Variants in RFX7 observed in about 807,000 individuals in gnomAD.
RFX7 encodes regulatory factor X7.
In RFX7, 26 loss-of-function variants were observed where a neutral mutation model predicts 111.8. The observed-to-expected ratio is 0.23, with a 90% CI of 0.17 to 0.32. The LOEUF is 0.32. RFX7 is among the 10% of genes least tolerant of loss of function. The pLI is 1.00. For synonymous variants in RFX7, 624 were observed against 624.4 expected, an observed-to-expected ratio of 1.00 and a Z score of 0.01; for missense variants, 1,573 against 1,772.9, an observed-to-expected ratio of 0.89 and a Z score of 2.02.
intron 2 of RFX7, among the ~76,000 whole-genome samples, chr15:56,209,472 T>C (rs1341515722): frequency 6.6e-6 from 1 of 152,084 alleles, no homozygotes; most frequent in Non-Finnish European, 1.5e-5. Context: ...AATGCAAATC[T>C]GTGTAAATAA....
intron 2 of RFX7, among the ~76,000 whole-genome samples, chr15:56,184,969 G>A (rs974354330): frequency 5.9e-5 from 9 of 152,096 alleles, no homozygotes; most frequent in African/African-American, 2.2e-4. Context: ...TTTCTTGATC[G>A]AGCTTTTTTG....
intron 5 of RFX7, among the ~76,000 whole-genome samples, chr15:56,120,809 T>C (rs2042068991): frequency 6.6e-6 from 1 of 152,226 alleles, no homozygotes; most frequent in Non-Finnish European, 1.5e-5. Flanking sequence ...GATAATATCT[T>C]ACAATGTATT....
chr15:56,120,804 T>C (rs1257088559), intron 5 of RFX7, among the ~76,000 whole-genome samples: 1 of 152,228 alleles, frequency 6.6e-6, no homozygotes, highest in African/African-American at 2.4e-5. Flanking sequence ...TTGCAGATAA[T>C]ATCTTACAAT....
intron 5 of RFX7, among the ~76,000 whole-genome samples, chr15:56,107,855 T>A (rs2041852853): frequency 6.6e-6 from 1 of 151,882 alleles, no homozygotes; most frequent in Non-Finnish European, 1.5e-5. Flanking sequence ...AATAAACCAA[T>A]AAAAAATGAT....
At chr15:56,125,639 G>A (rs1595945334) in intron 5 of RFX7, among the ~76,000 whole-genome samples, 1 of 143,280 alleles carries the variant, frequency 7.0e-6, no homozygotes, top group African/African-American at 2.5e-5. Context: ...GTGTGTGTGT[G>A]TGTGTGTATG....
intron 3 of RFX7, among the ~76,000 whole-genome samples, chr15:56,151,068 G>C (rs1421664890): frequency 1.3e-5 from 2 of 151,980 alleles, no homozygotes; most frequent in African/African-American, 4.8e-5. Context: ...TACGTGAAAA[G>C]ACCAAATCTA....
rs538003891 is a variant in RFX7, at chr15:56,159,868, C to A, written c.196-15385G>T. Reference sequence around the variant, plus strand: ...GAACTATGTTTTCATTATTTATTGGCATAATATTCAATTTAAAAGTAGCCT... The same window carrying A: ...GAACTATGTTTTCATTATTTATTGGAATAATATTCAATTTAAAAGTAGCCT... On this transcript the variant is annotated intron_variant, in intron 3 of 9. Coordinates refer to ENST00000559447, the MANE Select transcript of RFX7 (RefSeq NM_022841.7). Among the ~76,000 whole-genome samples the A allele has an allele frequency of 1.6e-3, 242 of 152,174 alleles. 1 individual carries two copies. Among genetic ancestry groups the A allele is most frequent in the African/African-American group, 5.5e-3 (227 of 41,528 alleles).
chr15:56,106,991 G>A (rs538091835), intron 5 of RFX7, among the ~76,000 whole-genome samples: 7 of 152,098 alleles, frequency 4.6e-5, no homozygotes, highest in African/African-American at 1.2e-4. Flanking sequence ...CTGTTTACGC[G>A]ATCACTAACA....
chr15:56,187,169 TGGAA>T (rs2043048961), intron 2 of RFX7, among the ~76,000 whole-genome samples: 1 of 151,404 alleles, frequency 6.6e-6, no homozygotes, highest in South Asian at 2.1e-4. Context: ...AGGAAGCAAC[TGGAA>T]GGAAGTTAGC....
chr15:56,099,310 G>C (rs146725091), intron 8 of RFX7, among the ~76,000 whole-genome samples: 6 of 152,174 alleles, frequency 3.9e-5, no homozygotes, highest in African/African-American at 1.4e-4. Flanking sequence ...AACTTGGTGT[G>C]GGGAGCAGGA....
chr15:56,107,468 C>T (rs1322058506), intron 5 of RFX7, among the ~76,000 whole-genome samples: 2 of 151,654 alleles, frequency 1.3e-5, no homozygotes, highest in Non-Finnish European at 2.9e-5. Context: ...TCATTCATGT[C>T]ACAAATTTAA....
At chr15:56,119,776 CAA>C (rs1207159378) in intron 5 of RFX7, among the ~76,000 whole-genome samples, 32 of 65,238 alleles carry the variant, frequency 4.9e-4, no homozygotes, top group Admixed American at 1.7e-3. Flanking sequence ...CACTGTGTCT[CAA>C]AAAAAAAAAA....
At chr15:56,116,686 C>T (rs1595937907) in intron 5 of RFX7, among the ~76,000 whole-genome samples, 1 of 152,126 alleles carries the variant, frequency 6.6e-6, no homozygotes, top group Non-Finnish European at 1.5e-5. Context: ...CATTAGTCAT[C>T]AGGGAAATGC....
intron 5 of RFX7, among the ~76,000 whole-genome samples, chr15:56,105,894 G>A (rs2041823796): frequency 6.6e-6 from 1 of 152,050 alleles, no homozygotes; most frequent in Non-Finnish European, 1.5e-5. Context: ...TACAAAAATT[G>A]TTTGTTAAGA....
chr15:56,120,968 GTTA>G (rs368284966), intron 5 of RFX7, among the ~76,000 whole-genome samples: 2 of 152,130 alleles, frequency 1.3e-5, no homozygotes, highest in Non-Finnish European at 2.9e-5. Context: ...AAGTTGTGTA[GTTA>G]TTGTTTTTGA....
intron 5 of RFX7, among the ~76,000 whole-genome samples, chr15:56,128,612 A>C (rs1303518277): frequency 2.6e-5 from 4 of 152,198 alleles, no homozygotes; most frequent in Non-Finnish European, 5.9e-5. Flanking sequence ...CTTAATGGCA[A>C]AAGACTGAAA....
rs74823380 is a variant in RFX7 at position 56,189,546 on chromosome 15, G to A, written c.162-10243C>T. Among the ~76,000 whole-genome samples the A allele has an allele frequency of 8.6e-3, 1,309 of 151,610 alleles. 11 individuals are homozygous for A. Among genetic ancestry groups the A allele is most frequent in the Non-Finnish European group, 0.013 (875 of 67,920 alleles). On this transcript the variant is annotated intron_variant, in intron 2 of 9. Coordinates refer to ENST00000559447, the MANE Select transcript of RFX7 (RefSeq NM_022841.7). ...CATAAGGAACTCCTACAACTCCATA[G>A]TAAAGACAGGTAACTCAATTAATAA...
chr15:56,121,020 C>T (rs2042071545), intron 5 of RFX7, among the ~76,000 whole-genome samples: 1 of 152,132 alleles, frequency 6.6e-6, no homozygotes, highest in Non-Finnish European at 1.5e-5. Context: ...GAGTAGTTTA[C>T]ACACCACAAT....
intron 3 of RFX7, among the ~76,000 whole-genome samples, chr15:56,154,317 T>C (rs2042618889): frequency 6.6e-6 from 1 of 152,164 alleles, no homozygotes; most frequent in Non-Finnish European, 1.5e-5. Flanking sequence ...AGAGCCCGCA[T>C]AGCCAAGACA....
Sources: gnomAD v4.1 joint callset for allele counts (sites outside exome capture counted in the v4.1 genomes callset) on GRCh38, gnomAD v4.1.1 for gene constraint, MANE v1.5 for transcripts, NCBI Gene and HGNC (gene_info 2026-07-23, HGNC 2026-07-21) for gene names.